The following ARID1B variants were observed in gnomAD, a reference collection of about 807,000 sequenced individuals.
ARID1B encodes the protein AT-rich interaction domain 1B.
In ARID1B, 30 loss-of-function variants were observed where a neutral mutation model predicts 212.3. The observed-to-expected ratio is 0.14, with a 90% CI of 0.11 to 0.19. The LOEUF (loss-of-function observed/expected upper bound fraction) is 0.19. Ranked by LOEUF, ARID1B falls within the 10% of genes least tolerant of loss-of-function variation. The pLI, the probability that ARID1B is intolerant of heterozygous loss-of-function variation, is 1.00. For missense variants in ARID1B, 2,891 were observed against 3,204.0 expected, an observed-to-expected ratio of 0.90 and a Z score of 2.36; for synonymous variants, 1,402 against 1,301.7, an observed-to-expected ratio of 1.08 and a Z score of -1.66.
chr6:156,876,863 C>G (rs1001286408), intron 2 of ARID1B, among the ~76,000 whole-genome samples: 4 of 152,088 alleles, frequency 2.6e-5, no homozygotes, highest in African/African-American at 9.7e-5. Flanking sequence ...TGCTGCGAAT[C>G]CTTTGGAATT....
At chr6:157,084,442 C>T (rs1421377087) in intron 4 of ARID1B, among the ~76,000 whole-genome samples, 2 of 152,062 alleles carry the variant, frequency 1.3e-5, no homozygotes, top group African/African-American at 2.4e-5. Flanking sequence ...AAGAGAAGTA[C>T]AACTTTACTC....
Position 156,909,100 on chromosome 6 carries a change from C to CT in ARID1B, c.2136+7584dup, listed in dbSNP as rs1172825641. 8.4e-3 allele frequency among the ~76,000 whole-genome samples: 1,133 copies of CT among 134,258 alleles called. 20 individuals carry two copies. Among genetic ancestry groups the CT allele is most frequent in the African/African-American group, 0.029 (1,054 of 36,004 alleles). The allele number at this position is 134,258 out of a possible 152,430, so 88.1% of individuals were successfully genotyped here. ...GTGTGTATAAAACGTAAGGGCACTT[C>CT]TTTTTTTTTCTTTTTTCTTTCTCTT... On this transcript the variant is annotated intron_variant, in intron 3 of 19. Coordinates refer to ENST00000636930, the MANE Select transcript of ARID1B (RefSeq NM_001374828.1).
intron 3 of ARID1B, among the ~76,000 whole-genome samples, chr6:156,927,475 G>A (rs1029671505): frequency 3.3e-5 from 5 of 152,220 alleles, no homozygotes; most frequent in Admixed American, 3.3e-4. Context: ...TTTTATTCCT[G>A]ATCTGTTTTT....
chr6:157,059,567 A>G (rs1210847903), intron 4 of ARID1B, among the ~76,000 whole-genome samples: 1 of 152,204 alleles, frequency 6.6e-6, no homozygotes, highest in Non-Finnish European at 1.5e-5. Context: ...AGTATTGACA[A>G]AGAGGTTCTG....
At chr6:157,156,857 G>A (rs949966544) in intron 8 of ARID1B, among the ~76,000 whole-genome samples, 1 of 152,188 alleles carries the variant, frequency 6.6e-6, no homozygotes, top group African/African-American at 2.4e-5. Context: ...TCCTCCTTAT[G>A]CAGTCTTCCT....
At chr6:157,003,837 C>A (rs1198907937) in intron 4 of ARID1B, among the ~76,000 whole-genome samples, 1 of 151,988 alleles carries the variant, frequency 6.6e-6, no homozygotes, top group Non-Finnish European at 1.5e-5. Flanking sequence ...TATAGGTGCG[C>A]ATGACTGTTC....
At chr6:157,181,715 G>T (rs1792550657) in intron 12 of ARID1B, among the ~76,000 whole-genome samples, 1 of 152,150 alleles carries the variant, frequency 6.6e-6, no homozygotes, top group Non-Finnish European at 1.5e-5. Flanking sequence ...CTGGGGTGCA[G>T]ATTTAAGGAG....
chr6:157,167,373 A>G (rs1193997797), intron 9 of ARID1B, 188 bp downstream of exon 9: 1 of 551,650 alleles, frequency 1.8e-6, no homozygotes, highest in East Asian at 3.3e-5. Context: ...ATTATATTTT[A>G]TGTAAATTAT....
chr6:156,965,733 G>T (rs972324011), intron 4 of ARID1B, among the ~76,000 whole-genome samples: 3 of 152,124 alleles, frequency 2.0e-5, no homozygotes, highest in East Asian at 3.8e-4. Context: ...TAATTATTTT[G>T]GGGGGCAGTT....
intron 3 of ARID1B, among the ~76,000 whole-genome samples, chr6:156,904,094 C>T (rs990423440): frequency 1.3e-5 from 2 of 152,238 alleles, no homozygotes; most frequent in South Asian, 2.1e-4. Flanking sequence ...ATGTCACCAC[C>T]CCCGTTCTTG....
At chr6:157,152,410 A>T (rs1278063144) in intron 8 of ARID1B, 1 of 152,240 alleles carries the variant, frequency 6.6e-6, no homozygotes, top group African/African-American at 2.4e-5. Context: ...AAAATAAGAA[A>T]AAGAAAAATG....
At chr6:157,055,059 C>T (rs558829029) in intron 4 of ARID1B, among the ~76,000 whole-genome samples, 8 of 152,326 alleles carry the variant, frequency 5.3e-5, no homozygotes, top group Admixed American at 3.3e-4. Flanking sequence ...TGGCATCAGC[C>T]GGGAAGTAGG....
chr6:156,897,180 TTGCTGCTGCTAC>T (rs1168850939), intron 2 of ARID1B, among the ~76,000 whole-genome samples: 2 of 145,758 alleles, frequency 1.4e-5, no homozygotes, highest in African/African-American at 5.1e-5. Flanking sequence ...AATTCTTCTT[TTGCTGCTGCTAC>T]TGCTGCTGCT....
intron 9 of ARID1B, among the ~76,000 whole-genome samples, chr6:157,172,080 C>T (rs1277826415): frequency 2.0e-5 from 3 of 152,246 alleles, no homozygotes; most frequent in Admixed American, 2.0e-4. Flanking sequence ...CGCTCTGAAT[C>T]AACTAGCCAG....
chr6:156,976,707 T>C, intron 4 of ARID1B: 3 of 413,970 alleles, frequency 7.2e-6, no homozygotes, highest in South Asian at 5.6e-5. Context: ...ACTCTCCTGG[T>C]CCGTGGACTC....
chr6:157,087,014 TA>T (rs1057392815), intron 5 of ARID1B, among the ~76,000 whole-genome samples: 7 of 152,238 alleles, frequency 4.6e-5, no homozygotes, highest in Non-Finnish European at 8.8e-5. Flanking sequence ...GTTTGTTTTT[TA>T]AACTTGTGTC....
chr6:156,776,848 T>C (rs1778651128), upstream of ARID1B: 1 of 152,242 alleles, frequency 6.6e-6, no homozygotes, highest in Non-Finnish European at 1.5e-5. Context: ...TTCAAATCTT[T>C]CCTAATTTTG....
intron 3 of ARID1B, among the ~76,000 whole-genome samples, chr6:156,910,905 C>T (rs531823922): frequency 6.6e-6 from 1 of 152,070 alleles, no homozygotes; most frequent in South Asian, 2.1e-4. Flanking sequence ...ATGAGCTCTC[C>T]CCACACAAAA....
chr6:157,110,078 A>T (rs1401203271), intron 5 of ARID1B, among the ~76,000 whole-genome samples: 1 of 152,186 alleles, frequency 6.6e-6, no homozygotes, highest in Non-Finnish European at 1.5e-5. Flanking sequence ...GGATATTACC[A>T]TGAGTAATTG....
Sources: gnomAD v4.1 joint callset for allele counts (sites outside exome capture counted in the v4.1 genomes callset) on GRCh38, gnomAD v4.1.1 for gene constraint, MANE v1.5 for transcripts, NCBI Gene and HGNC (gene_info 2026-07-23, HGNC 2026-07-21) for gene names.